The following FRAS1 variants were observed in gnomAD, a reference collection of about 807,000 sequenced individuals.
FRAS1 encodes extracellular matrix organizing protein FRAS1.
Under a neutral mutation model 435.2 loss-of-function variants are expected in FRAS1, and 290 were observed. The observed-to-expected ratio is 0.67, with a 90% CI of 0.61 to 0.73. The LOEUF (loss-of-function observed/expected upper bound fraction) is 0.73. FRAS1 is among the 30% of genes least tolerant of loss of function. FRAS1 has a pLI of 0.00. For missense variants in FRAS1, 4,860 were observed against 5,001.5 expected (o/e 0.97, Z 0.85); for synonymous variants, 1,800 against 1,851.0 (o/e 0.97, Z 0.71).
intron 20 of FRAS1, among the ~76,000 whole-genome samples, chr4:78,342,146 G>A (rs538540083): frequency 4.0e-4 from 61 of 152,320 alleles, no homozygotes; most frequent in Non-Finnish European, 7.2e-4. Context: ...GGGAAGTCCC[G>A]GAGAAGGACC....
chr4:78,482,540 G>A lies in FRAS1; in HGVS notation c.8752+5G>A, dbSNP rs747397643. On this transcript the variant is annotated splice_donor_5th_base_variant and intron_variant, in intron 58 of 73. Transcript: ENST00000512123. ...TTAATGACACATTCCAAGATGGTAA[G>A]AGATTGGGGATGCCAGCTGGTAGGT... 1 of 1,611,492 alleles carries A rather than the reference G, an allele frequency of 6.2e-7. No homozygotes were observed. Among genetic ancestry groups the A allele is most frequent in the Non-Finnish European group, 8.5e-7 (1 of 1,179,296 alleles).
Position 78,086,443 on chromosome 4 carries a change from GA to G in FRAS1, c.108+20428del, listed in dbSNP as rs531492768. ...CTAAGATCAGAGCAGAACTGAAGGA[GA>G]TAGAGACACAAAAAACCGTTCAAAA... On this transcript the variant is annotated intron_variant, in intron 2 of 73. Coordinates refer to ENST00000512123, the MANE Select transcript of FRAS1 (RefSeq NM_025074.7). 1.0e-2 allele frequency among the ~76,000 whole-genome samples: 1,516 copies of G among 152,132 alleles called. 23 individuals carry two copies. Among genetic ancestry groups the G allele is most frequent in the African/African-American group, 0.034 (1,402 of 41,514 alleles).
At position 78,292,150 on chromosome 4, in the gene FRAS1, C is replaced by G. The variant is rs1425077110; in HGVS notation, c.1534+5611C>G. Among the ~76,000 whole-genome samples the G allele has an allele frequency of 2.0e-5, 3 of 152,162 alleles. No homozygotes were observed. The East Asian group carries it at 5.8e-4, about 29-fold the overall frequency. ...TTTTTCAACCTATAGAGATAAAAAC[C>G]AAATAGCTTTCATTAAGTAACAAAA... On this transcript the variant is annotated intron_variant, in intron 14 of 73. Coordinates refer to ENST00000512123, the MANE Select transcript of FRAS1 (RefSeq NM_025074.7).
chr4:78,094,003 C>G (rs1210163082), intron 2 of FRAS1, among the ~76,000 whole-genome samples: 1 of 152,004 alleles, frequency 6.6e-6, no homozygotes, highest in Non-Finnish European at 1.5e-5. Context: ...GTCTTGATGG[C>G]CATTCTTGGG....
chr4:78,229,892 G>A (rs1724449664), intron 2 of FRAS1, among the ~76,000 whole-genome samples: 1 of 152,116 alleles, frequency 6.6e-6, no homozygotes, highest in African/African-American at 2.4e-5. Context: ...AGTATGTGGA[G>A]GACCTGGGAA....
intron 7 of FRAS1, 92 bp downstream of exon 7, chr4:78,265,200 C>T (rs1457404719): frequency 1.4e-6 from 1 of 707,876 alleles, no homozygotes; most frequent in Non-Finnish European, 2.4e-6. Context: ...TCACCACCCT[C>T]ATGTCTGACT....
At chr4:78,445,483 A>C (rs1195793629) in intron 41 of FRAS1, 39 bp from the exon 42 acceptor site, 1 of 1,490,326 alleles carries the variant, frequency 6.7e-7, no homozygotes, top group African/African-American at 1.4e-5. Flanking sequence ...GCAGGAATTG[A>C]TAGATCAAGG....
intron 2 of FRAS1, among the ~76,000 whole-genome samples, chr4:78,216,878 G>A (rs944371702): frequency 7.2e-5 from 11 of 152,134 alleles, no homozygotes; most frequent in Non-Finnish European, 1.3e-4. Flanking sequence ...ATGGCCACAG[G>A]AGAGTATTTT....
intron 20 of FRAS1, among the ~76,000 whole-genome samples, chr4:78,356,778 TCTC>T (rs1730873758): frequency 6.6e-6 from 1 of 151,860 alleles, no homozygotes; most frequent in Non-Finnish European, 1.5e-5. Flanking sequence ...TTTGATGTCT[TCTC>T]CTAACATGAG....
At chr4:78,441,338 G>T in intron 41 of FRAS1, 41 bp downstream of exon 41, 1 of 1,577,536 alleles carries the variant, frequency 6.3e-7, no homozygotes, top group East Asian at 2.3e-5. Flanking sequence ...TTGAGAGAAG[G>T]GAGGGGAGAG....
At chr4:78,284,229 A>ATTT (rs11453256) in intron 12 of FRAS1, among the ~76,000 whole-genome samples, 176 bp from the exon 13 acceptor site, 16,432 of 80,776 alleles carry the variant, frequency 0.2, 2,471 homozygotes, top group Non-Finnish European at 0.29. Context: ...ATTGGAATGT[A>ATTT]TTTTTTTTTT....
chr4:78,104,894 G>A (rs1424233423), intron 2 of FRAS1, among the ~76,000 whole-genome samples: 1 of 152,142 alleles, frequency 6.6e-6, no homozygotes, highest in Non-Finnish European at 1.5e-5. Context: ...TGTTATGATA[G>A]TTTTATAATA....
chr4:78,070,753 ACT>A (rs1348624455), intron 2 of FRAS1: 1 of 151,208 alleles, frequency 6.6e-6, no homozygotes, highest in African/African-American at 2.4e-5. Flanking sequence ...TATTGAAAAA[ACT>A]CTCCTTTTGC....
chr4:78,112,423 G>C (rs1042314040), intron 2 of FRAS1, among the ~76,000 whole-genome samples: 2 of 151,904 alleles, frequency 1.3e-5, no homozygotes, highest in African/African-American at 4.8e-5. Context: ...TTTTTATCTT[G>C]GTAGTTTGTG....
At chr4:78,380,835 T>G (rs923956645) in intron 27 of FRAS1, among the ~76,000 whole-genome samples, 9 of 152,032 alleles carry the variant, frequency 5.9e-5, no homozygotes, top group African/African-American at 1.9e-4. Flanking sequence ...GGGAGATAGG[T>G]GAGGAGAAAA....
chr4:78,142,557 T>TA (rs1299418636), intron 2 of FRAS1, among the ~76,000 whole-genome samples: 3 of 152,100 alleles, frequency 2.0e-5, no homozygotes, highest in Non-Finnish European at 4.4e-5. Flanking sequence ...GTCTTTAAAA[T>TA]AACTATGATT....
At chr4:78,507,745 C>T (rs1225648763) in intron 62 of FRAS1, 137 bp downstream of exon 62, 1 of 797,428 alleles carries the variant, frequency 1.3e-6, no homozygotes, top group Admixed American at 3.8e-5. Flanking sequence ...TCCATCATCC[C>T]CTTTCCAGAG....
intron 2 of FRAS1, among the ~76,000 whole-genome samples, chr4:78,129,468 T>C (rs1719569988): frequency 6.6e-6 from 1 of 152,136 alleles, no homozygotes; most frequent in African/African-American, 2.4e-5. Context: ...ATACAGAAAC[T>C]ATTTGAGAAG....
At chr4:78,475,401 G>T in intron 53 of FRAS1, 37 bp from the exon 54 acceptor site, 1 of 1,611,830 alleles carries the variant, frequency 6.2e-7, no homozygotes, top group Non-Finnish European at 8.5e-7. Flanking sequence ...ATAACCATGG[G>T]GCATAGTTTA....
Sources: gnomAD v4.1 joint callset for allele counts (sites outside exome capture counted in the v4.1 genomes callset) on GRCh38, gnomAD v4.1.1 for gene constraint, MANE v1.5 for transcripts, NCBI Gene and HGNC (gene_info 2026-07-23, HGNC 2026-07-21) for gene names.